Variants in CELSR1 observed in about 807,000 individuals in gnomAD.
CELSR1 encodes cadherin EGF LAG seven-pass G-type receptor 1.
Under a neutral mutation model 249.1 loss-of-function variants are expected in CELSR1, and 110 were observed. The ratio of observed to expected loss-of-function variants is 0.44; its 90% CI spans 0.38 to 0.52. The LOEUF is 0.52. CELSR1 is among the 20% of genes least tolerant of loss of function. CELSR1 has a pLI of 0.00. For missense variants in CELSR1, 4,109 were observed against 4,296.4 expected (o/e 0.96, Z 1.22); for synonymous variants, 2,113 against 1,900.0 (o/e 1.11, Z -2.92).
rs948254643 is a variant in CELSR1 at position 46,500,994 on chromosome 22, G to C, written c.3544+32633C>G. ...TGTTAAGATGTTTCCACTAAGAAAA[G>C]TTTATTTATTTATTTATTTTATTTT... On this transcript the variant is annotated intron_variant, in intron 1 of 34. Coordinates refer to ENST00000674500, the MANE Select transcript of CELSR1 (RefSeq NM_001378328.1). This position sits in a 1 kb window ranked among gnomAD's most constrained non-coding sequence, Gnocchi z 4.9. Among the ~76,000 whole-genome samples the C allele has an allele frequency of 2.6e-5, 4 of 151,640 alleles. No individual in the cohort carries two copies. The highest frequency in any genetic ancestry group is 5.9e-5 in the Non-Finnish European group (4 of 67,926).
intron 1 of CELSR1, among the ~76,000 whole-genome samples, chr22:46,491,582 A>C (rs1336229347): frequency 6.6e-6 from 1 of 150,540 alleles, no homozygotes; most frequent in Non-Finnish European, 1.5e-5. Flanking sequence ...TAACTTTTTA[A>C]AAGTTTTTCT....
chr22:46,439,373 C>T lies in CELSR1; in HGVS notation c.4222G>A (p.Ala1408Thr), dbSNP rs907436616. 7 of 1,613,848 alleles carry T rather than the reference C, an allele frequency of 4.3e-6. No individual in the cohort carries two copies. Among genetic ancestry groups the T allele is most frequent in the Non-Finnish European group, 5.9e-6 (7 of 1,179,986 alleles). ...CEVDARSGRC[A>T]NGVCKNGGTC... ...CCCCCGTTCTTGCACACCCCGTTGG[C>T]ACAGCGGCCTGAGCGGGCATCCACC... Residue 1408 changes from alanine to threonine, a missense_variant, in exon 3 of 35, where the codon GCC becomes ACC. Physicochemically the swap from Ala to Thr is moderately conservative, Grantham distance 58. Coordinates refer to ENST00000674500, the MANE Select transcript of CELSR1 (RefSeq NM_001378328.1).
Position 46,436,268 on chromosome 22 carries a change from G to A in CELSR1, c.4428C>T (p.Asn1476=), listed in dbSNP as rs138150351. ...AGCGGCCGTTGTAGAGAAGCAAGCC[G>A]TTCCTTTCCTGAGTGGCAAACCTGT... The part of the protein sequence containing the change: ...ISLTFATQER[N]GLLLYNGRFN... The change falls in exon 4 of 35, where the codon AAC becomes AAT. Residue 1476 remains asparagine, a synonymous_variant. Coordinates refer to ENST00000674500, the MANE Select transcript of CELSR1 (RefSeq NM_001378328.1). The surrounding 1 kb of genome is among the most constrained non-coding windows in gnomAD (Gnocchi z 5.9). 680 of 1,614,048 alleles carry A rather than the reference G, an allele frequency of 4.2e-4. 6 individuals are homozygous for A. Among genetic ancestry groups the A allele is most frequent in the Admixed American group, 8.7e-4 (52 of 60,014 alleles).
chr22:46,534,817 T>C lies in CELSR1; in HGVS notation c.2354A>G (p.His785Arg), dbSNP rs2080832686. ...ATGGGAGCTCTGAAAGACAGGCCTG[T>C]GGGTGTTGGCATCAGTGACGTTGAT... ...VLINVTDANT[H>R]RPVFQSSHYT... The change falls in exon 1 of 35, where the codon CAC becomes CGC. Residue 785 changes from histidine to arginine, a missense_variant. Around this residue, in one of 7 missense-constraint regions of CELSR1, gnomAD observed 886 missense variants for 896.5 expected, o/e 0.99. Transcript: ENST00000674500. The surrounding 1 kb of genome is among the most constrained non-coding windows in gnomAD (Gnocchi z 9.7). 1 of 1,612,920 alleles carries C rather than the reference T, an allele frequency of 6.2e-7. No individual in the cohort carries two copies. The highest frequency in any genetic ancestry group is 1.3e-5 in the African/African-American group (1 of 74,916).
Position 46,398,772 on chromosome 22 carries a change from T to C in CELSR1, c.5413-135A>G, listed in dbSNP as rs1041923818. Reference sequence around the variant, plus strand: ...CGCAGAGCCTGAGGACATCTGGGCCTCCAAAGAGAGAGCTGGGCCCAGCTG... The same window carrying C: ...CGCAGAGCCTGAGGACATCTGGGCCCCCAAAGAGAGAGCTGGGCCCAGCTG... On this transcript the variant is annotated intron_variant, in intron 10 of 34. Coordinates refer to ENST00000674500, the MANE Select transcript of CELSR1 (RefSeq NM_001378328.1). The surrounding 1 kb of genome is among the most constrained non-coding windows in gnomAD (Gnocchi z 7.2). The C allele has an allele frequency of 1.2e-5, 8 of 640,328 alleles. No homozygotes were observed. The highest frequency in any genetic ancestry group is 2.1e-5 in the Non-Finnish European group (8 of 388,064). 39.7% of individuals were successfully genotyped at this position (640,328 alleles called of 1,614,324 possible).
intron 1 of CELSR1, among the ~76,000 whole-genome samples, chr22:46,498,368 G>A (rs533464047): frequency 6.6e-6 from 1 of 150,390 alleles, no homozygotes; most frequent in African/African-American, 2.5e-5. Context: ...CCAGCACTCT[G>A]GGAGGCCAAG....
In CELSR1 at chr22:46,488,065, T is replaced by G; in HGVS notation, c.3545-23720A>C. 7.0e-6 allele frequency among the ~76,000 whole-genome samples: 1 copy of G among 142,536 alleles called. No homozygotes were observed. The highest frequency in any genetic ancestry group is 2.7e-5 in the African/African-American group (1 of 37,116). 93.5% of individuals were successfully genotyped at this position (142,536 alleles called of 152,430 possible). On this transcript the variant is annotated intron_variant, in intron 1 of 34. Coordinates refer to ENST00000674500, the MANE Select transcript of CELSR1 (RefSeq NM_001378328.1). This position sits in a 1 kb window ranked among gnomAD's most constrained non-coding sequence, Gnocchi z 4.7. The stretch of plus-strand genomic sequence containing the variant: ...CTGACAGGATCAGCTGACAGGGGCG[T>G]GAGGGAGGGGTGTCAAGTACCAGTG...
intron 1 of CELSR1, among the ~76,000 whole-genome samples, chr22:46,469,559 A>T (rs1366986203): frequency 6.6e-6 from 1 of 152,136 alleles, no homozygotes; most frequent in Admixed American, 6.6e-5. Flanking sequence ...TCTGTTGCCC[A>T]GGCTGGAATG....
Position 46,367,088 on chromosome 22 carries a change from G to C in CELSR1, c.8110C>G (p.Leu2704Val). 1.2e-6 allele frequency: 2 copies of C among 1,611,562 alleles called. No homozygotes were observed. The highest frequency in any genetic ancestry group is 1.7e-6 in the Non-Finnish European group (2 of 1,179,698). ...AGGTGCTTCCGGACCTCCTGGTTGAGCACGCAGTGGAAAAGGAGGACGAAG... is the reference window on the plus strand; with the variant it reads ...AGGTGCTTCCGGACCTCCTGGTTGACCACGCAGTGGAAAAGGAGGACGAAG... ...GPFVLLFHCV[L>V]NQEVRKHLKG... The change falls in exon 29 of 35, where the codon CTC becomes GTC. Residue 2704 changes from leucine (L) to valine (V), a missense_variant. Coordinates refer to ENST00000674500, the MANE Select transcript of CELSR1 (RefSeq NM_001378328.1).
Position 46,535,176 on chromosome 22 carries a change from G to A in CELSR1, c.1995C>T (p.Pro665=). 1 of 1,609,446 alleles carries A rather than the reference G, an allele frequency of 6.2e-7. No homozygotes were observed. Residue 665 remains proline, a synonymous_variant, in exon 1 of 35, where the codon CCC becomes CCT. Transcript: ENST00000674500. ...ACACGCTGGTGGAGGAGCTCATGGG[G>A]GGCGAGCCGTGGTCCACCGCCTCCA... is the stretch of plus-strand genomic sequence containing the variant. ...FGVEAVDHGS[P]PMSSSTSVSI...
In CELSR1 at chr22:46,534,015, G is replaced by A. The variant is rs928787596; in HGVS notation, c.3156C>T (p.Leu1052=). The stretch of plus-strand genomic sequence containing the variant: ...CCACCATGGCACGCAGGTCCCCGTT[G>A]AGCAGGTCCAGCTGGAAGAAATGCC... The part of the protein sequence containing the change: ...DMRHFFQLDL[L]NGDLRAMVEL... Residue 1052 remains leucine (L), a synonymous_variant, in exon 1 of 35, where the codon CTC becomes CTT. Transcript: ENST00000674500. This position sits in a 1 kb window ranked among gnomAD's most constrained non-coding sequence, Gnocchi z 9.7. 1.9e-5 allele frequency: 30 copies of A among 1,613,710 alleles called. No homozygotes were observed. The East Asian group carries it at 6.7e-4, about 36-fold the overall frequency.
intron 18 of CELSR1, among the ~76,000 whole-genome samples, chr22:46,387,164 C>T (rs6008789): frequency 0.13 from 19,792 of 152,222 alleles, 2,250 homozygotes; most frequent in African/African-American, 0.31. Context: ...GCTTCATATT[C>T]TTAGCTTAAT....
At chr22:46,483,951 T>C (rs1485329461) in intron 1 of CELSR1, among the ~76,000 whole-genome samples, 1 of 152,088 alleles carries the variant, frequency 6.6e-6, no homozygotes, top group East Asian at 1.9e-4. Flanking sequence ...AGAGCAAAGG[T>C]GTAACAACAA....
Position 46,517,389 on chromosome 22 carries a change from C to T in CELSR1, c.3544+16238G>A, listed in dbSNP as rs369820368. 1.1e-4 allele frequency among the ~76,000 whole-genome samples: 17 copies of T among 152,368 alleles called. No homozygotes were observed. Among genetic ancestry groups the T allele is most frequent in the South Asian group, 2.1e-4 (1 of 4,828 alleles). On this transcript the variant is annotated intron_variant, in intron 1 of 34. Coordinates refer to ENST00000674500, the MANE Select transcript of CELSR1 (RefSeq NM_001378328.1). The surrounding 1 kb of genome is among the most constrained non-coding windows in gnomAD (Gnocchi z 5.4). ...ACCAAAGCCACCGGTTTCCTGCCTA[C>T]GGGGTCATCCCGGCCTGGTTTTCCC...
chr22:46,466,928 G>A (rs550094391), intron 1 of CELSR1, among the ~76,000 whole-genome samples: 7 of 152,244 alleles, frequency 4.6e-5, no homozygotes, highest in South Asian at 2.1e-4. Context: ...CCTCTCCTCC[G>A]CATCAGGACG....
chr22:46,496,623 A>G (rs1006184617), intron 1 of CELSR1, among the ~76,000 whole-genome samples: 2 of 82,262 alleles, frequency 2.4e-5, no homozygotes, highest in Non-Finnish European at 2.8e-5. Flanking sequence ...GCTTTTATCT[A>G]TTAATTTTTT....
chr22:46,394,329 C>G, intron 13 of CELSR1, 67 bp from the exon 14 acceptor site: 1 of 1,541,706 alleles, frequency 6.5e-7, no homozygotes, highest in African/African-American at 1.4e-5. Context: ...GAGAAGAGGC[C>G]TGCAGGCAGC....
chr22:46,515,730 A>G (rs2080620102), intron 1 of CELSR1, among the ~76,000 whole-genome samples: 1 of 152,214 alleles, frequency 6.6e-6, no homozygotes, highest in African/African-American at 2.4e-5. Flanking sequence ...GCAGGCTCCT[A>G]TCTGTGTAAC....
At chr22:46,373,165 ATG>A (rs2147188358) in intron 24 of CELSR1, 108 bp from the exon 25 acceptor site, 2 of 1,191,330 alleles carry the variant, frequency 1.7e-6, no homozygotes, top group East Asian at 2.6e-5. Flanking sequence ...GGACCACCCT[ATG>A]TGTCTGTCCT....
Sources: allele counts gnomAD v4.1 joint callset (sites outside exome capture counted in the v4.1 genomes callset), GRCh38; gene constraint gnomAD v4.1.1; regional missense constraint gnomAD v4.1.1; non-coding constraint Gnocchi (gnomAD v3.1); transcripts MANE v1.5; gene names NCBI Gene and HGNC (gene_info 2026-07-23, HGNC 2026-07-21).